RALY: variants seen among roughly 807,000 people sequenced by gnomAD.
RALY encodes the protein RNA-binding protein Raly.
In RALY, 15 loss-of-function variants were observed where a neutral mutation model predicts 30.7. The ratio of observed to expected loss-of-function variants is 0.49; its 90% CI spans 0.33 to 0.75. The LOEUF (loss-of-function observed/expected upper bound fraction) is 0.75, where lower values mean the gene tolerates loss of function less well. Ranked by LOEUF, RALY falls within the 30% of genes least tolerant of loss-of-function variation. The pLI is 0.02. For synonymous variants in RALY, 177 were observed against 170.8 expected (o/e 1.04, Z -0.28); for missense variants, 339 against 414.3 (o/e 0.82, Z 1.58).
chr20:33,996,151 T>C (rs1239736251), intron 1 of RALY, among the ~76,000 whole-genome samples: 1 of 152,172 alleles, frequency 6.6e-6, no homozygotes, highest in Non-Finnish European at 1.5e-5. Flanking sequence ...TTTATGTCTC[T>C]TTTTTTACTG....
At chr20:34,038,609 A>G (rs2032586881) in intron 2 of RALY, among the ~76,000 whole-genome samples, 2 of 152,222 alleles carry the variant, frequency 1.3e-5, no homozygotes, top group South Asian at 4.1e-4. Flanking sequence ...AATTCTGAGT[A>G]CATAGGGCAA....
intron 8 of RALY, chr20:34,077,710 G>T (rs1223816536): frequency 4.5e-6 from 1 of 224,048 alleles, no homozygotes; most frequent in African/African-American, 2.4e-5. Context: ...AGGCCGGCAG[G>T]CCATTTGACA....
rs556533310 is a variant in RALY at position 34,021,568 on chromosome 20, T to G, written c.-92-9954T>G. Among the ~76,000 whole-genome samples the G allele has an allele frequency of 1.2e-4, 18 of 152,288 alleles. No homozygotes were observed. The South Asian group carries it at 3.5e-3, about 30-fold the overall frequency. On this transcript the variant is annotated intron_variant, in intron 1 of 9. Transcript: ENST00000246194. ...AAGGCAGAGCCCTCATGCACTAATG[T>G]TGCCTCTCAGAGTCCCCTGTCTCAA...
intron 1 of RALY, among the ~76,000 whole-genome samples, chr20:34,009,744 T>C (rs2031319320): frequency 6.6e-6 from 1 of 152,238 alleles, no homozygotes; most frequent in Non-Finnish European, 1.5e-5. Context: ...GACTGGCTTC[T>C]TTAGACAGCA....
intron 2 of RALY, among the ~76,000 whole-genome samples, chr20:34,046,832 T>C (rs996222998): frequency 1.4e-5 from 2 of 148,094 alleles, no homozygotes; most frequent in African/African-American, 5.0e-5. Context: ...TTTTTTTTTT[T>C]TTTTGAGATG....
chr20:34,045,061 C>A (rs2032831962), intron 2 of RALY, among the ~76,000 whole-genome samples: 3 of 152,060 alleles, frequency 2.0e-5, no homozygotes. Flanking sequence ...AGGCATGCAC[C>A]ACCACACCTA....
chr20:34,013,064 T>A (rs1211257763), intron 1 of RALY, among the ~76,000 whole-genome samples: 6 of 152,204 alleles, frequency 3.9e-5, no homozygotes, highest in Admixed American at 2.0e-4. Flanking sequence ...TATTCAACAC[T>A]GTATTATAAA....
At chr20:34,043,776 C>T (rs901644551) in intron 2 of RALY, among the ~76,000 whole-genome samples, 1 of 151,942 alleles carries the variant, frequency 6.6e-6, no homozygotes. Flanking sequence ...ACTTTGTGCT[C>T]GGCACAGAAG....
intron 2 of RALY, among the ~76,000 whole-genome samples, chr20:34,069,668 C>T (rs2033672300): frequency 6.6e-6 from 1 of 152,144 alleles, no homozygotes; most frequent in Non-Finnish European, 1.5e-5. Flanking sequence ...GGACTGTCAG[C>T]GAGAACTGTG....
chr20:34,018,719 C>G (rs141493903), intron 1 of RALY, among the ~76,000 whole-genome samples: 55 of 152,254 alleles, frequency 3.6e-4, no homozygotes, highest in African/African-American at 1.2e-3. Flanking sequence ...TCTTCCACCC[C>G]ACAAATGCCC....
chr20:34,043,555 C>G (rs538293726), intron 2 of RALY, among the ~76,000 whole-genome samples: 1 of 152,332 alleles, frequency 6.6e-6, no homozygotes, highest in South Asian at 2.1e-4. Context: ...CATGAAACCT[C>G]TAAAATCTAA....
chr20:34,025,926 G>T (rs1269899615), intron 1 of RALY, among the ~76,000 whole-genome samples: 1 of 137,398 alleles, frequency 7.3e-6, no homozygotes, highest in Non-Finnish European at 1.6e-5. Flanking sequence ...TTTTTTGTGG[G>T]GGGTGGGGAT....
chr20:34,070,484 C>G (rs1165953204), intron 2 of RALY, among the ~76,000 whole-genome samples: 1 of 152,188 alleles, frequency 6.6e-6, no homozygotes, highest in Non-Finnish European at 1.5e-5. Context: ...AGTCTCATCT[C>G]TAAGCCAAAC....
At chr20:34,032,161 C>G (rs1395192858) in intron 2 of RALY, among the ~76,000 whole-genome samples, 4 of 152,172 alleles carry the variant, frequency 2.6e-5, no homozygotes, top group African/African-American at 9.6e-5. Context: ...CGGGGTTTCT[C>G]CACGTTGGTC....
At chr20:34,003,667 T>C (rs1188616883) in intron 1 of RALY, among the ~76,000 whole-genome samples, 2 of 126,036 alleles carry the variant, frequency 1.6e-5, no homozygotes, top group African/African-American at 3.5e-5. Context: ...TGAGACGGAG[T>C]CTCGCTCTGT....
rs781395323 is a variant in RALY at position 34,076,060 on chromosome 20, T to G, written c.544+20T>G. 2 of 1,588,828 alleles carry G rather than the reference T, an allele frequency of 1.3e-6. No homozygotes were observed. The highest frequency in any genetic ancestry group is 1.7e-6 in the Non-Finnish European group (2 of 1,163,422). On this transcript the variant is annotated intron_variant, in intron 6 of 9. Coordinates refer to ENST00000246194, the MANE Select transcript of RALY (RefSeq NM_016732.3). Reference sequence around the variant, plus strand: ...TCAAGTGTGAGTGACTGTATCATATTCCTAAGTAATTTGCATTTTTATCAT... The same window carrying G: ...TCAAGTGTGAGTGACTGTATCATATGCCTAAGTAATTTGCATTTTTATCAT...
intron 1 of RALY, chr20:34,017,302 A>T (rs2031646191): frequency 6.6e-6 from 1 of 152,216 alleles, no homozygotes; most frequent in South Asian, 2.1e-4. Context: ...AAATGAAGTG[A>T]CTTGGCTGCC....
At chr20:34,047,609 G>A (rs535322948) in intron 2 of RALY, among the ~76,000 whole-genome samples, 6 of 152,286 alleles carry the variant, frequency 3.9e-5, no homozygotes, top group South Asian at 2.1e-4. Flanking sequence ...CTTCGGAGTC[G>A]CACAGACCTG....
rs1183368164 is a variant in RALY at position 34,064,175 on chromosome 20, G to A, written c.-9-7891G>A. ...AGGTCTTCAATTCTAACTCAGTATC[G>A]GGGATTATAGGCATAAGTTACCTAC... On this transcript the variant is annotated intron_variant, in intron 2 of 9. Transcript: ENST00000246194. Among the ~76,000 whole-genome samples, 4 of 152,090 alleles carry A rather than the reference G, an allele frequency of 2.6e-5. 1 individual carries two copies. The South Asian group carries it at 6.2e-4, about 24-fold the overall frequency.
Sources: allele counts gnomAD v4.1 joint callset (sites outside exome capture counted in the v4.1 genomes callset), GRCh38; gene constraint gnomAD v4.1.1; transcripts MANE v1.5; gene names NCBI Gene and HGNC (gene_info 2026-07-23, HGNC 2026-07-21).